The following L3MBTL4 variants were observed in gnomAD, a reference collection of about 807,000 sequenced individuals.
L3MBTL4 encodes the protein lethal(3)malignant brain tumor-like protein 4.
A neutral mutation model predicts 84.5 loss-of-function variants in L3MBTL4; 70 were observed. The observed-to-expected ratio is 0.83, with a 90% CI of 0.68 to 1.01. L3MBTL4 has a LOEUF of 1.01. Ranked by LOEUF, L3MBTL4 falls within the 50% of genes least tolerant of loss-of-function variation. L3MBTL4 has a pLI of 0.00. For missense variants in L3MBTL4, 715 were observed against 754.8 expected (o/e 0.95, Z 0.62); for synonymous variants, 274 against 259.8 (o/e 1.05, Z -0.52).
intron 14 of L3MBTL4, among the ~76,000 whole-genome samples, chr18:6,129,440 G>C (rs906774443): frequency 6.8e-6 from 1 of 146,930 alleles, no homozygotes; most frequent in Non-Finnish European, 1.5e-5. Context: ...ATTAAGTTTG[G>C]TATTTCTTCC....
At chr18:6,134,109 C>T (rs1022235582) in intron 14 of L3MBTL4, among the ~76,000 whole-genome samples, 4 of 152,092 alleles carry the variant, frequency 2.6e-5, no homozygotes, top group Admixed American at 2.6e-4. Context: ...GCACTTCTTA[C>T]ATGGTGGGAG....
At chr18:6,383,744 C>A (rs2054697746) in intron 1 of L3MBTL4, among the ~76,000 whole-genome samples, 1 of 152,210 alleles carries the variant, frequency 6.6e-6, no homozygotes, top group African/African-American at 2.4e-5. Context: ...CACACCAGAG[C>A]TGTTCCTATT....
intron 10 of L3MBTL4, among the ~76,000 whole-genome samples, chr18:6,225,285 C>T (rs1027449447): frequency 2.6e-5 from 4 of 152,204 alleles, no homozygotes; most frequent in Non-Finnish European, 4.4e-5. Flanking sequence ...AAAAAGAAAT[C>T]AGCTTACATT....
intron 12 of L3MBTL4, among the ~76,000 whole-genome samples, chr18:6,176,414 A>G (rs984793490): frequency 6.6e-6 from 1 of 152,216 alleles, no homozygotes. Context: ...TATGCAGTCA[A>G]TTGATTTTCA....
intron 14 of L3MBTL4, among the ~76,000 whole-genome samples, chr18:6,120,452 G>T (rs1257001235): frequency 1.3e-5 from 2 of 152,142 alleles, no homozygotes; most frequent in Non-Finnish European, 2.9e-5. Flanking sequence ...CGTTAGGAAG[G>T]CTACTCTGAT....
intron 16 of L3MBTL4, among the ~76,000 whole-genome samples, chr18:6,060,794 G>A (rs1416141062): frequency 6.6e-6 from 1 of 152,046 alleles, no homozygotes; most frequent in African/African-American, 2.4e-5. Flanking sequence ...CTTTCACTTA[G>A]CAATATGCAA....
chr18:6,235,801 A>G (rs2047194053), intron 10 of L3MBTL4, among the ~76,000 whole-genome samples: 1 of 152,340 alleles, frequency 6.6e-6, no homozygotes, highest in East Asian at 1.9e-4. Context: ...ATACCACCAA[A>G]TTGCACACTT....
chr18:5,991,258 C>T lies in L3MBTL4; in HGVS notation c.1445-21696G>A, dbSNP rs2053685410. The stretch of plus-strand genomic sequence containing the variant: ...CTATCTTTTTCATCATGTTTCCTAT[C>T]ACAGTCAGTACTTAGTATGTGCAAG... On this transcript the variant is annotated intron_variant, in intron 16 of 18. Transcript: ENST00000317931. Among the ~76,000 whole-genome samples, 6 of 152,206 alleles carry T rather than the reference C, an allele frequency of 3.9e-5. No individual in the cohort carries two copies. In the South Asian group the frequency reaches 1.2e-3, roughly 31 times the overall value.
intron 1 of L3MBTL4, among the ~76,000 whole-genome samples, chr18:6,333,286 C>A (rs1484426896): frequency 6.6e-6 from 1 of 152,028 alleles, no homozygotes; most frequent in Non-Finnish European, 1.5e-5. Flanking sequence ...AAAACAACAT[C>A]TAATTGGGCC....
chr18:6,233,367 A>G (rs1177811974), intron 10 of L3MBTL4, among the ~76,000 whole-genome samples: 1 of 149,830 alleles, frequency 6.7e-6, no homozygotes, highest in East Asian at 1.9e-4. Context: ...TTAGGAAAAG[A>G]GGAAGGCAAA....
At chr18:6,107,495 T>C (rs62079171) in intron 14 of L3MBTL4, among the ~76,000 whole-genome samples, 9,420 of 152,152 alleles carry the variant, frequency 0.062, 417 homozygotes, top group African/African-American at 0.13. Context: ...TCTGGGTAAG[T>C]GGCTGCAACA....
intron 13 of L3MBTL4, among the ~76,000 whole-genome samples, chr18:6,162,110 C>T (rs2043369812): frequency 6.6e-6 from 1 of 151,942 alleles, no homozygotes; most frequent in South Asian, 2.1e-4. Flanking sequence ...AAAAAACTCT[C>T]TACCTCATAT....
At chr18:6,265,863 A>G (rs1009999254) in intron 4 of L3MBTL4, among the ~76,000 whole-genome samples, 4 of 152,242 alleles carry the variant, frequency 2.6e-5, no homozygotes, top group African/African-American at 9.6e-5. Flanking sequence ...ACAACGTTCC[A>G]GTTAGACAGC....
intron 14 of L3MBTL4, among the ~76,000 whole-genome samples, chr18:6,107,215 G>C (rs1023460802): frequency 5.3e-5 from 8 of 152,170 alleles, no homozygotes; most frequent in African/African-American, 1.7e-4. Flanking sequence ...CTGCAGAGGA[G>C]GCAGAGGCAG....
intron 4 of L3MBTL4, among the ~76,000 whole-genome samples, chr18:6,268,871 T>A (rs922135696): frequency 1.3e-5 from 2 of 152,198 alleles, no homozygotes; most frequent in Non-Finnish European, 2.9e-5. Context: ...TGTATACATA[T>A]TCACTTGTTA....
At chr18:6,327,035 A>C (rs915776257) in intron 1 of L3MBTL4, among the ~76,000 whole-genome samples, 2 of 152,192 alleles carry the variant, frequency 1.3e-5, no homozygotes, top group Admixed American at 1.3e-4. Flanking sequence ...AAAGAAACGC[A>C]CTATTACTAG....
intron 14 of L3MBTL4, among the ~76,000 whole-genome samples, chr18:6,114,819 G>T (rs965413345): frequency 6.6e-6 from 1 of 152,194 alleles, no homozygotes; most frequent in East Asian, 1.9e-4. Context: ...CCCAGTGATG[G>T]TCACTACATA....
At chr18:6,254,701 T>C (rs2048064951) in intron 5 of L3MBTL4, among the ~76,000 whole-genome samples, 1 of 152,172 alleles carries the variant, frequency 6.6e-6, no homozygotes. Context: ...TATACTTTAA[T>C]AAGTTAAGTG....
chr18:6,303,045 T>C (rs143585641), intron 3 of L3MBTL4, among the ~76,000 whole-genome samples: 46 of 152,278 alleles, frequency 3.0e-4, no homozygotes, highest in African/African-American at 1.1e-3. Flanking sequence ...AATTTCCCAA[T>C]TTTAAAATCT....
Sources: gnomAD v4.1 joint callset for allele counts (sites outside exome capture counted in the v4.1 genomes callset) on GRCh38, gnomAD v4.1.1 for gene constraint, MANE v1.5 for transcripts, NCBI Gene and HGNC (gene_info 2026-07-23, HGNC 2026-07-21) for gene names.